Variants in COL25A1 observed in about 807,000 individuals in gnomAD.
COL25A1 encodes the protein collagen alpha-1(XXV) chain.
In COL25A1, 103 loss-of-function variants were observed where a neutral mutation model predicts 128.4. The observed-to-expected ratio is 0.80, with a 90% CI of 0.68 to 0.94. The LOEUF is 0.94. Ranked by LOEUF, COL25A1 falls within the 40% of genes least tolerant of loss-of-function variation. The probability of loss-of-function intolerance (pLI) is 0.00; values close to 1 mark genes in which losing one functional copy is unlikely to be tolerated. For missense variants in COL25A1, 745 were observed against 840.0 expected, an observed-to-expected ratio of 0.89 and a Z score of 1.40; for synonymous variants, 279 against 277.2, an observed-to-expected ratio of 1.01 and a Z score of -0.06.
chr4:108,948,315 G>C (rs1749014884), intron 8 of COL25A1, among the ~76,000 whole-genome samples: 1 of 152,102 alleles, frequency 6.6e-6, no homozygotes, highest in Non-Finnish European at 1.5e-5. Context: ...AGGAATTTTT[G>C]AACAATCATG....
chr4:109,035,802 T>G (rs1759288763), intron 5 of COL25A1, among the ~76,000 whole-genome samples: 2 of 152,142 alleles, frequency 1.3e-5, no homozygotes, highest in Admixed American at 1.3e-4. Flanking sequence ...TTTTTCATTT[T>G]GTTTAAAATG....
intron 3 of COL25A1, among the ~76,000 whole-genome samples, chr4:109,168,674 GGT>G (rs1491465418): frequency 1.3e-5 from 2 of 152,152 alleles, no homozygotes; most frequent in East Asian, 3.9e-4. Context: ...TCCTTGCAGA[GGT>G]GCTCTTTCAG....
At position 109,128,183 on chromosome 4, in the gene COL25A1, G is replaced by T. The variant is rs542451661; in HGVS notation, c.368-78004C>A. On this transcript the variant is annotated intron_variant, in intron 3 of 37. Transcript: ENST00000399132. ...CTTTGTAGAAACTAAAACTAACAGC[G>T]TATGTCCCTGAGTTGTTTTTCAGAA... Among the ~76,000 whole-genome samples the T allele has an allele frequency of 1.1e-4, 17 of 152,224 alleles. 1 individual carries two copies. In the South Asian group the frequency reaches 3.5e-3, roughly 32 times the overall value.
intron 6 of COL25A1, among the ~76,000 whole-genome samples, chr4:108,984,652 G>C (rs1753459117): frequency 6.6e-6 from 1 of 152,216 alleles, no homozygotes; most frequent in African/African-American, 2.4e-5. Context: ...CGAAGTGCGG[G>C]GTTCGCTGAG....
chr4:109,113,934 A>C (rs1767279307), intron 3 of COL25A1, among the ~76,000 whole-genome samples: 1 of 152,260 alleles, frequency 6.6e-6, no homozygotes, highest in Admixed American at 6.6e-5. Flanking sequence ...AGATGAAAAA[A>C]CAAATCTTAA....
At chr4:109,108,889 T>A (rs1766717018) in intron 3 of COL25A1, among the ~76,000 whole-genome samples, 1 of 152,144 alleles carries the variant, frequency 6.6e-6, no homozygotes, top group Admixed American at 6.5e-5. Flanking sequence ...AACCAAAACA[T>A]TTGTGTGCCT....
At chr4:108,858,515 A>G (rs189496579) in intron 24 of COL25A1, among the ~76,000 whole-genome samples, 4 of 152,350 alleles carry the variant, frequency 2.6e-5, no homozygotes, top group Non-Finnish European at 5.9e-5. Context: ...GATTCATGGT[A>G]TCACTAACAG....
intron 3 of COL25A1, among the ~76,000 whole-genome samples, chr4:109,092,690 G>C (rs1244650948): frequency 6.6e-6 from 1 of 152,186 alleles, no homozygotes; most frequent in Non-Finnish European, 1.5e-5. Context: ...ATTTAGAAAA[G>C]TGATTTTGGT....
At chr4:108,950,171 A>C (rs1310422738) in intron 8 of COL25A1, among the ~76,000 whole-genome samples, 2 of 152,196 alleles carry the variant, frequency 1.3e-5, no homozygotes, top group East Asian at 3.9e-4. Flanking sequence ...ATGAGGAGGC[A>C]GAGTGCAAGA....
intron 6 of COL25A1, among the ~76,000 whole-genome samples, chr4:109,006,378 A>ATTTTTTTTTTTTTTTTTTTTTTTTT (rs56845799): frequency 1.5e-4 from 8 of 51,874 alleles, no homozygotes; most frequent in East Asian, 8.6e-4. Context: ...CACCCAGCTA[A>ATTTTTTTTTTTTTTTTTTTTTTTTT]TTTTTTTTTT....
At chr4:109,089,985 T>C (rs1219789700) in intron 3 of COL25A1, among the ~76,000 whole-genome samples, 1 of 152,138 alleles carries the variant, frequency 6.6e-6, no homozygotes. Context: ...TGAAGTACTA[T>C]AAATTCTGCA....
At chr4:108,946,972 G>A (rs1748833439) in intron 8 of COL25A1, among the ~76,000 whole-genome samples, 2 of 152,170 alleles carry the variant, frequency 1.3e-5, no homozygotes, top group South Asian at 4.1e-4. Flanking sequence ...TAAATGAGGA[G>A]CAGAGAATGG....
intron 3 of COL25A1, among the ~76,000 whole-genome samples, chr4:109,148,337 A>C (rs1002611511): frequency 2.0e-5 from 3 of 152,236 alleles, no homozygotes; most frequent in African/African-American, 7.2e-5. Context: ...TGTCAATTTT[A>C]CTTACACATA....
chr4:109,285,041 C>T (rs1448065202), intron 3 of COL25A1, among the ~76,000 whole-genome samples: 2 of 151,832 alleles, frequency 1.3e-5, no homozygotes, highest in Non-Finnish European at 2.9e-5. Context: ...TTTTTTCTCT[C>T]CCATTCTTGC....
chr4:108,834,212 A>G (rs2125734821), intron 31 of COL25A1: 1 of 824,056 alleles, frequency 1.2e-6, no homozygotes, highest in East Asian at 2.8e-5. Flanking sequence ...TTTTGCCGCC[A>G]TCTTTGTCCA....
At position 108,838,507 on chromosome 4, in the gene COL25A1, C is replaced by A. The variant is rs939151191; in HGVS notation, c.1656+3188G>T. On this transcript the variant is annotated intron_variant, in intron 31 of 37. Transcript: ENST00000399132. ...TATGATCAAATAATTCAAAGACAAT[C>A]GAGTGGAGGATGCTGAAGAAGATTC... Among the ~76,000 whole-genome samples the A allele has an allele frequency of 4.6e-5, 7 of 151,858 alleles. 1 individual carries two copies. Among genetic ancestry groups the A allele is most frequent in the African/African-American group, 1.7e-4 (7 of 41,376 alleles).
chr4:108,943,836 A>AAAAC (rs1748425042), intron 8 of COL25A1, among the ~76,000 whole-genome samples: 1 of 151,824 alleles, frequency 6.6e-6, no homozygotes, highest in Non-Finnish European at 1.5e-5. Context: ...AAAAAAAAAA[A>AAAAC]ACACAGAACA....
At chr4:109,041,593 A>G (rs750703779) in intron 5 of COL25A1, among the ~76,000 whole-genome samples, 1 of 152,032 alleles carries the variant, frequency 6.6e-6, no homozygotes, top group Non-Finnish European at 1.5e-5. Context: ...CTGGCTCTTC[A>G]CCAAATTTGT....
At chr4:109,204,978 A>C (rs1001394547) in intron 3 of COL25A1, among the ~76,000 whole-genome samples, 1 of 152,188 alleles carries the variant, frequency 6.6e-6, no homozygotes, top group Non-Finnish European at 1.5e-5. Context: ...AAACTTTACT[A>C]TCTTAGTGTG....
Sources: allele counts gnomAD v4.1 joint callset (sites outside exome capture counted in the v4.1 genomes callset), GRCh38; gene constraint gnomAD v4.1.1; transcripts MANE v1.5; gene names NCBI Gene and HGNC (gene_info 2026-07-23, HGNC 2026-07-21).